The following CFAP299 variants were observed in gnomAD, a reference collection of about 807,000 sequenced individuals.
The protein encoded by CFAP299 is cilia- and flagella-associated protein 299.
A neutral mutation model predicts 27.0 loss-of-function variants in CFAP299; 21 were observed. That is an observed-to-expected ratio of 0.78 (90% confidence interval 0.55 to 1.12). The LOEUF (loss-of-function observed/expected upper bound fraction) is 1.12. CFAP299 is among the 50% of genes most tolerant of loss of function. The pLI, the probability that CFAP299 is intolerant of heterozygous loss-of-function variation, is 0.00. For missense variants in CFAP299, 310 were observed against 276.6 expected, an observed-to-expected ratio of 1.12 and a Z score of -0.86; for synonymous variants, 104 against 98.1, an observed-to-expected ratio of 1.06 and a Z score of -0.36.
rs1444546781 is a variant in CFAP299 at position 80,800,363 on chromosome 4, TA to T, written c.334-69628del. On this transcript the variant is annotated intron_variant, in intron 3 of 5. Coordinates refer to ENST00000358105, the MANE Select transcript of CFAP299 (RefSeq NM_152770.3). ...ATAATATATAATATATATGATATAT[TA>T]ATATAATATATATAATATATAATAT... Among the ~76,000 whole-genome samples, 264 of 71,914 alleles carry T rather than the reference TA, an allele frequency of 3.7e-3. 9 individuals carry two copies. The highest frequency in any genetic ancestry group is 0.016 in the African/African-American group (239 of 15,362). The allele number at this position is 71,914 out of a possible 152,430, so 47.2% of individuals were successfully genotyped here.
At chr4:80,812,250 G>A (rs1729192009) in intron 3 of CFAP299, among the ~76,000 whole-genome samples, 1 of 152,094 alleles carries the variant, frequency 6.6e-6, no homozygotes, top group South Asian at 2.1e-4. Flanking sequence ...CAACTCTTAT[G>A]TGCCATAGCT....
At chr4:80,918,217 A>C (rs1164339556) in intron 4 of CFAP299, among the ~76,000 whole-genome samples, 1 of 152,154 alleles carries the variant, frequency 6.6e-6, no homozygotes, top group Admixed American at 6.6e-5. Flanking sequence ...TGGATTTCAC[A>C]ACACATCTGA....
intron 4 of CFAP299, among the ~76,000 whole-genome samples, chr4:80,902,383 A>G (rs1734946097): frequency 7.3e-6 from 1 of 137,542 alleles, no homozygotes; most frequent in Non-Finnish European, 1.5e-5. Context: ...TATATATTTT[A>G]TAAATATATG....
At chr4:80,426,920 G>A (rs983487341) in intron 2 of CFAP299, among the ~76,000 whole-genome samples, 1 of 152,098 alleles carries the variant, frequency 6.6e-6, no homozygotes, top group Non-Finnish European at 1.5e-5. Context: ...TTTCTAAATA[G>A]TTTTTGAGTA....
intron 3 of CFAP299, among the ~76,000 whole-genome samples, chr4:80,785,707 T>C (rs773922196): frequency 3.9e-5 from 6 of 152,170 alleles, no homozygotes; most frequent in Non-Finnish European, 7.4e-5. Flanking sequence ...AGCAAGAGGT[T>C]AGTATAGATG....
At chr4:80,407,018 G>C (rs1726465010) in intron 2 of CFAP299, among the ~76,000 whole-genome samples, 1 of 151,790 alleles carries the variant, frequency 6.6e-6, no homozygotes, top group African/African-American at 2.4e-5. Flanking sequence ...TATTACTCTA[G>C]GTTAATATTC....
intron 2 of CFAP299, among the ~76,000 whole-genome samples, chr4:80,535,805 A>G (rs933332683): frequency 6.6e-6 from 1 of 152,232 alleles, no homozygotes; most frequent in African/African-American, 2.4e-5. Context: ...AGTATGTGTC[A>G]ATAGCATGGT....
At chr4:80,735,616 A>G (rs1001608357) in intron 3 of CFAP299, among the ~76,000 whole-genome samples, 1 of 152,084 alleles carries the variant, frequency 6.6e-6, no homozygotes, top group African/African-American at 2.4e-5. Context: ...TTCCTTCTAT[A>G]TCCAGTTTTT....
At chr4:80,480,887 T>C (rs1321859216) in intron 2 of CFAP299, among the ~76,000 whole-genome samples, 1 of 152,078 alleles carries the variant, frequency 6.6e-6, no homozygotes, top group Non-Finnish European at 1.5e-5. Flanking sequence ...CTGTATTAAT[T>C]TAGCTCATAT....
intron 2 of CFAP299, among the ~76,000 whole-genome samples, chr4:80,420,992 G>A (rs1727262149): frequency 6.6e-6 from 1 of 151,970 alleles, no homozygotes; most frequent in Admixed American, 6.6e-5. Flanking sequence ...TTCATTTGTG[G>A]CATAACTATA....
intron 3 of CFAP299, among the ~76,000 whole-genome samples, chr4:80,724,215 G>A (rs1173104710): frequency 1.3e-5 from 2 of 151,952 alleles, no homozygotes; most frequent in East Asian, 3.9e-4. Flanking sequence ...TGGGGTGGGG[G>A]AAATAATGTT....
chr4:80,479,743 A>G (rs1360944160), intron 2 of CFAP299, among the ~76,000 whole-genome samples: 2 of 152,028 alleles, frequency 1.3e-5, no homozygotes, highest in Admixed American at 1.3e-4. Flanking sequence ...TTATTGTAAC[A>G]TTATGCAGAG....
chr4:80,917,142 G>T (rs1423329065), intron 4 of CFAP299, among the ~76,000 whole-genome samples: 1 of 152,124 alleles, frequency 6.6e-6, no homozygotes, highest in African/African-American at 2.4e-5. Context: ...AAAGCAAGGA[G>T]CAAAGAAAAA....
chr4:80,853,117 G>A (rs567040660), intron 3 of CFAP299, among the ~76,000 whole-genome samples: 7 of 151,962 alleles, frequency 4.6e-5, no homozygotes, highest in Non-Finnish European at 8.8e-5. Flanking sequence ...TGCAACCTCC[G>A]CCTCCAGGAT....
intron 2 of CFAP299, among the ~76,000 whole-genome samples, chr4:80,499,281 G>A (rs1314196254): frequency 6.6e-6 from 1 of 152,088 alleles, no homozygotes; most frequent in Non-Finnish European, 1.5e-5. Flanking sequence ...TTGTTTGAGG[G>A]AAAAATGTCA....
intron 2 of CFAP299, among the ~76,000 whole-genome samples, chr4:80,406,977 GT>G (rs937913824): frequency 6.6e-6 from 1 of 151,822 alleles, no homozygotes; most frequent in African/African-American, 2.4e-5. Context: ...TTTCTACATG[GT>G]TTTTTTTAAA....
chr4:80,900,123 A>AGAGTGTGTGTGT (rs1553904499), intron 4 of CFAP299, among the ~76,000 whole-genome samples: 50 of 139,894 alleles, frequency 3.6e-4, no homozygotes, highest in African/African-American at 1.3e-3. Context: ...AGTGGAAGAA[A>AGAGTGTGTGTGT]GTGTGTGTGT....
At chr4:80,382,798 T>A (rs1724773311) in intron 2 of CFAP299, among the ~76,000 whole-genome samples, 1 of 152,174 alleles carries the variant, frequency 6.6e-6, no homozygotes, top group South Asian at 2.1e-4. Context: ...AGAACTACCA[T>A]CTGACCCAGC....
chr4:80,951,461 A>G (rs1447151447), intron 5 of CFAP299, among the ~76,000 whole-genome samples: 2 of 152,218 alleles, frequency 1.3e-5, no homozygotes, highest in Non-Finnish European at 2.9e-5. Context: ...TTGTTCAAAC[A>G]TAACAGTGAG....
Sources: allele counts gnomAD v4.1 joint callset (sites outside exome capture counted in the v4.1 genomes callset), GRCh38; gene constraint gnomAD v4.1.1; transcripts MANE v1.5; gene names NCBI Gene and HGNC (gene_info 2026-07-23, HGNC 2026-07-21).